Variants in LARP4B observed in about 807,000 individuals in gnomAD.
The protein encoded by LARP4B is La ribonucleoprotein 4B, also known as la-related protein 4B.
Under a neutral mutation model 89.8 loss-of-function variants are expected in LARP4B, and 12 were observed. The ratio of observed to expected loss-of-function variants is 0.13; its 90% CI spans 0.09 to 0.22. LARP4B has a LOEUF of 0.22. Ranked by LOEUF, LARP4B falls within the 10% of genes least tolerant of loss-of-function variation. The pLI is 1.00. For missense variants in LARP4B, 757 were observed against 947.7 expected (o/e 0.80, Z 2.64); for synonymous variants, 367 against 363.3 (o/e 1.01, Z -0.12).
chr10:827,623 G>A lies in LARP4B; in HGVS notation c.1126-1753C>T, dbSNP rs138429262. 9.4e-3 allele frequency among the ~76,000 whole-genome samples: 1,436 copies of A among 152,192 alleles called. 12 individuals carry two copies. The highest frequency in any genetic ancestry group is 0.015 in the Admixed American group (224 of 15,274). On this transcript the variant is annotated intron_variant, in intron 11 of 17. Coordinates refer to ENST00000316157, the MANE Select transcript of LARP4B (RefSeq NM_015155.3). ...CAGGACCAGCTGTCTGGCACACACC[G>A]CAACCTGAACATACAACATAAGTCA...
At chr10:905,464 C>T (rs1836463189) in intron 1 of LARP4B, among the ~76,000 whole-genome samples, 1 of 152,138 alleles carries the variant, frequency 6.6e-6, no homozygotes, top group Admixed American at 6.5e-5. Flanking sequence ...GAAGTCAAGA[C>T]AAGGAATCTA....
chr10:868,645 GA>G (rs1351058721), intron 3 of LARP4B, among the ~76,000 whole-genome samples: 1 of 152,238 alleles, frequency 6.6e-6, no homozygotes, highest in East Asian at 1.9e-4. Context: ...TTATCTTAAA[GA>G]TGTAGTTTTA....
intron 3 of LARP4B, among the ~76,000 whole-genome samples, chr10:877,677 T>A (rs11815185): frequency 0.16 from 24,536 of 152,112 alleles, 2,135 homozygotes; most frequent in Non-Finnish European, 0.19. Flanking sequence ...AACAGGAATT[T>A]ATGAGTAAAC....
At chr10:900,827 C>T (rs976094945) in intron 1 of LARP4B, among the ~76,000 whole-genome samples, 4 of 151,406 alleles carry the variant, frequency 2.6e-5, no homozygotes, top group African/African-American at 9.7e-5. Flanking sequence ...CCACACTGGC[C>T]AGGCTGGTCT....
At position 845,039 on chromosome 10, in the gene LARP4B, T is replaced by C. The variant is rs1435994130; in HGVS notation, c.447A>G (p.Gln149=). The C allele has an allele frequency of 6.2e-7, 1 of 1,607,488 alleles. No homozygotes were observed. The highest frequency in any genetic ancestry group is 8.5e-7 in the Non-Finnish European group (1 of 1,178,526). The change falls in exon 6 of 18, where the codon CAA becomes CAG. Residue 149 remains glutamine, a synonymous_variant. Coordinates refer to ENST00000316157, the MANE Select transcript of LARP4B (RefSeq NM_015155.3). ...ENSETGGNES[Q]PDSQEDPREV... The stretch of plus-strand genomic sequence containing the variant: ...CTCGGGGGTCTTCCTGGCTGTCTGG[T>C]TGAGACTCATTTCCTCCTACATAAA...
At chr10:882,608 C>T (rs987698538) in intron 3 of LARP4B, among the ~76,000 whole-genome samples, 1 of 152,010 alleles carries the variant, frequency 6.6e-6, no homozygotes, top group Non-Finnish European at 1.5e-5. Context: ...AGGATGGTCT[C>T]GATCTCAGGG....
chr10:907,542 A>G (rs192148463), intron 1 of LARP4B, among the ~76,000 whole-genome samples: 13 of 152,352 alleles, frequency 8.5e-5, no homozygotes, highest in East Asian at 3.9e-4. Flanking sequence ...AAAAATTTTT[A>G]TTGTATTATC....
intron 1 of LARP4B, among the ~76,000 whole-genome samples, chr10:924,158 C>G (rs59987788): frequency 6.6e-6 from 1 of 152,050 alleles, no homozygotes; most frequent in Non-Finnish European, 1.5e-5. Context: ...GTGGCAAGAT[C>G]GCTCAAGCCC....
chr10:816,488 G>A (rs1183737609), intron 15 of LARP4B, among the ~76,000 whole-genome samples: 1 of 152,194 alleles, frequency 6.6e-6, no homozygotes, highest in Non-Finnish European at 1.5e-5. Flanking sequence ...CTCAGGGTCA[G>A]GCTTTTCAAA....
upstream of LARP4B, among the ~76,000 whole-genome samples, chr10:933,901 C>T (rs914938319): frequency 2.2e-4 from 34 of 151,802 alleles, no homozygotes; most frequent in Non-Finnish European, 4.6e-4. Context: ...GGCATAATCT[C>T]GGCTCACTGC....
chr10:982,778 G>C, the LARP4B span, among the ~76,000 whole-genome samples: 1 of 152,166 alleles, frequency 6.6e-6, no homozygotes, highest in East Asian at 1.9e-4. Flanking sequence ...TAAAAAAGTG[G>C]TCTGCATTAA....
rs1351739418 is a variant in LARP4B, at chr10:822,947, T to C, written c.1485-2102A>G. On this transcript the variant is annotated intron_variant, in intron 13 of 17. Transcript: ENST00000316157. The surrounding 1 kb of genome is among the most constrained non-coding windows in gnomAD (Gnocchi z 4.6). ...AGGACATCTTAGCACTTTGGTCCAA[T>C]AGAGAAAGTTAATGGAAACAAAACA... Among the ~76,000 whole-genome samples the C allele has an allele frequency of 6.6e-6, 1 of 152,146 alleles. No individual in the cohort carries two copies. The highest frequency in any genetic ancestry group is 1.5e-5 in the Non-Finnish European group (1 of 68,018).
In LARP4B at chr10:842,061, G is replaced by A. The variant is rs1362772894; in HGVS notation, c.646+871C>T. Among the ~76,000 whole-genome samples, 4 of 152,066 alleles carry A rather than the reference G, an allele frequency of 2.6e-5. 1 individual carries two copies. Among genetic ancestry groups the A allele is most frequent in the South Asian group, 4.1e-4 (2 of 4,826 alleles). On this transcript the variant is annotated intron_variant, in intron 7 of 17. Transcript: ENST00000316157. Reference sequence around the variant, plus strand: ...AAACCCTTCTATGTGAGTATAGGCAGTGGACTTAATTGAGACTTGAAGTCA... The same window carrying A: ...AAACCCTTCTATGTGAGTATAGGCAATGGACTTAATTGAGACTTGAAGTCA...
intron 11 of LARP4B, among the ~76,000 whole-genome samples, chr10:826,823 A>G (rs1406636126): frequency 6.6e-6 from 1 of 152,236 alleles, no homozygotes; most frequent in Non-Finnish European, 1.5e-5. Context: ...GAAAGGAAAA[A>G]AGCAAGTAAT....
intron 5 of LARP4B, among the ~76,000 whole-genome samples, chr10:860,878 C>T (rs935093510): frequency 6.6e-6 from 1 of 152,060 alleles, no homozygotes; most frequent in Non-Finnish European, 1.5e-5. Flanking sequence ...ACCACTGGGC[C>T]GGGCATGAAG....
At chr10:860,468 A>G (rs1834543175) in intron 5 of LARP4B, among the ~76,000 whole-genome samples, 1 of 152,234 alleles carries the variant, frequency 6.6e-6, no homozygotes, top group Admixed American at 6.5e-5. Flanking sequence ...CTCCATTCCT[A>G]GGTATTTTAC....
chr10:892,159 T>C (rs973722394), intron 1 of LARP4B, among the ~76,000 whole-genome samples: 2 of 152,256 alleles, frequency 1.3e-5, no homozygotes, highest in Non-Finnish European at 2.9e-5. Flanking sequence ...GCCAGTGCCT[T>C]ACACCACTCG....
chr10:863,750 G>A lies in LARP4B; in HGVS notation c.423C>T (p.Ser141=), dbSNP rs1176041201. ...CCCATAAGATATGTTTACCTGTCTC[G>A]CTATTTTCAGGCAGAGAGTCATATT... ...PSEYDSLPEN[S]ETGGNESQPD... The change falls in exon 5 of 18, where the codon AGC becomes AGT. Residue 141 remains serine, a synonymous_variant. Coordinates refer to ENST00000316157, the MANE Select transcript of LARP4B (RefSeq NM_015155.3). 1.2e-5 allele frequency: 20 copies of A among 1,604,318 alleles called. No homozygotes were observed. Among genetic ancestry groups the A allele is most frequent in the East Asian group, 2.2e-5 (1 of 44,768 alleles).
intron 1 of LARP4B, among the ~76,000 whole-genome samples, chr10:930,515 T>C (rs1837267778): frequency 6.6e-6 from 1 of 152,156 alleles, no homozygotes; most frequent in South Asian, 2.1e-4. Context: ...TAAGAACGTT[T>C]TACGTAAAAA....
Sources: allele counts gnomAD v4.1 joint callset (sites outside exome capture counted in the v4.1 genomes callset), GRCh38; gene constraint gnomAD v4.1.1; non-coding constraint Gnocchi (gnomAD v3.1); transcripts MANE v1.5; gene names NCBI Gene and HGNC (gene_info 2026-07-23, HGNC 2026-07-21).